The following RNF220 variants were observed in gnomAD, a reference collection of about 807,000 sequenced individuals.
RNF220 encodes ring finger protein 220, also known as E3 ubiquitin-protein ligase RNF220.
RNF220 carries 7 observed loss-of-function variants against 67.1 expected under a neutral mutation model. That is an observed-to-expected ratio of 0.10 (90% CI 0.06 to 0.20). The LOEUF (loss-of-function observed/expected upper bound fraction) is 0.20. Ranked by LOEUF, RNF220 falls within the 10% of genes least tolerant of loss-of-function variation. The pLI is 1.00. For synonymous variants in RNF220, 270 were observed against 283.2 expected, an observed-to-expected ratio of 0.95 and a Z score of 0.47; for missense variants, 565 against 740.3, an observed-to-expected ratio of 0.76 and a Z score of 2.75.
chr1:44,409,240 G>T (rs1647725073), intron 1 of RNF220, among the ~76,000 whole-genome samples: 1 of 149,978 alleles, frequency 6.7e-6, no homozygotes, highest in East Asian at 1.9e-4. Flanking sequence ...AACCCATCAC[G>T]TCAAGGATTT....
At chr1:44,406,049 TC>T in intron 1 of RNF220, among the ~76,000 whole-genome samples, 1 of 152,216 alleles carries the variant, frequency 6.6e-6, no homozygotes, top group Admixed American at 6.5e-5. Flanking sequence ...TGGGTGGTAC[TC>T]AGTGGGGAGC....
intron 2 of RNF220, among the ~76,000 whole-genome samples, chr1:44,537,831 G>T (rs933395597): frequency 6.6e-6 from 1 of 152,170 alleles, no homozygotes; most frequent in African/African-American, 2.4e-5. Flanking sequence ...GCCCGCCTTT[G>T]TTCTGTGCAC....
chr1:44,632,052 C>T (rs1481588529), intron 5 of RNF220: 5 of 1,103,212 alleles, frequency 4.5e-6, no homozygotes, highest in Non-Finnish European at 5.6e-6. Context: ...GCATCGCCGC[C>T]CTCGCCGGCC....
At chr1:44,614,340 TCAGGGTTCTGGCCA>T in intron 3 of RNF220, 43 bp downstream of exon 3, 1 of 1,603,718 alleles carries the variant, frequency 6.2e-7, no homozygotes, top group Non-Finnish European at 8.5e-7. Context: ...AGGAGTCCAC[TCAGGGTTCTGGCCA>T]CCGGATCCCA....
In RNF220 at chr1:44,411,977, A is replaced by T; in HGVS notation, c.-117-4A>T. ...TTCTTTTTTTCTCTTTGCTGTTTCTACAGGTCTTAGGAGGGAATGATTCCC... is the reference window on the plus strand; with the variant it reads ...TTCTTTTTTTCTCTTTGCTGTTTCTTCAGGTCTTAGGAGGGAATGATTCCC... On this transcript the variant is annotated splice_polypyrimidine_tract_variant and splice_region_variant and intron_variant, in intron 1 of 14. Coordinates refer to ENST00000361799, the MANE Select transcript of RNF220 (RefSeq NM_018150.4). The T allele has an allele frequency of 9.1e-7, 1 of 1,097,360 alleles. No individual in the cohort carries two copies. Among genetic ancestry groups the T allele is most frequent in the South Asian group, 1.9e-5 (1 of 52,780 alleles). The allele number at this position is 1,097,360 out of a possible 1,614,324, so 68.0% of individuals were successfully genotyped here. A position where few individuals can be genotyped will look rare whatever the true frequency, so the allele number is the denominator to read the frequency against.
chr1:44,628,581 A>G (rs1038197035), intron 5 of RNF220, among the ~76,000 whole-genome samples: 1 of 152,206 alleles, frequency 6.6e-6, no homozygotes, highest in African/African-American at 2.4e-5. Context: ...GATAAAGCTG[A>G]AGCTCCTTAT....
At chr1:44,457,540 C>T (rs1490774532) in intron 2 of RNF220, among the ~76,000 whole-genome samples, 1 of 147,314 alleles carries the variant, frequency 6.8e-6, no homozygotes, top group African/African-American at 2.5e-5. Flanking sequence ...TAAAGGTAGG[C>T]GGGATACTAC....
intron 2 of RNF220, among the ~76,000 whole-genome samples, chr1:44,424,455 T>C (rs1315722883): frequency 6.6e-6 from 1 of 152,062 alleles, no homozygotes; most frequent in Non-Finnish European, 1.5e-5. Context: ...ATTCTTGTTT[T>C]CCTTAAGGTT....
chr1:44,616,762 A>G (rs1643567306), intron 3 of RNF220, among the ~76,000 whole-genome samples: 1 of 152,168 alleles, frequency 6.6e-6, no homozygotes, highest in Non-Finnish European at 1.5e-5. Flanking sequence ...GGTAGAGGCT[A>G]GAGGAGCATG....
At chr1:44,435,473 A>C (rs1430047653) in intron 2 of RNF220, among the ~76,000 whole-genome samples, 1 of 152,222 alleles carries the variant, frequency 6.6e-6, no homozygotes, top group Non-Finnish European at 1.5e-5. Context: ...GGATACCTTG[A>C]GACTGTGGTC....
intron 2 of RNF220, among the ~76,000 whole-genome samples, chr1:44,463,868 G>A (rs529129955): frequency 2.0e-4 from 30 of 152,302 alleles, no homozygotes; most frequent in African/African-American, 6.7e-4. Flanking sequence ...CTGAGCCCAG[G>A]CTCCAGGGAC....
At chr1:44,587,412 G>A (rs1004541606) in intron 2 of RNF220, among the ~76,000 whole-genome samples, 7 of 152,104 alleles carry the variant, frequency 4.6e-5, no homozygotes, top group Admixed American at 4.6e-4. Context: ...CTCCCAAATT[G>A]CTGGGATTAC....
chr1:44,427,828 T>TA (rs1649951291), intron 2 of RNF220, among the ~76,000 whole-genome samples: 1 of 152,302 alleles, frequency 6.6e-6, no homozygotes, highest in South Asian at 2.1e-4. Flanking sequence ...TCGCACAAAG[T>TA]ATGCCTTCAA....
intron 2 of RNF220, among the ~76,000 whole-genome samples, chr1:44,605,376 G>A (rs1023077113): frequency 1.3e-5 from 2 of 152,072 alleles, no homozygotes; most frequent in Non-Finnish European, 2.9e-5. Flanking sequence ...GTGGGACAAG[G>A]AATCAGAGAA....
chr1:44,578,802 A>G (rs909492062), intron 2 of RNF220, among the ~76,000 whole-genome samples: 2 of 152,202 alleles, frequency 1.3e-5, no homozygotes, highest in African/African-American at 2.4e-5. Context: ...GGATAATAAC[A>G]GTAGCTAATA....
intron 2 of RNF220, among the ~76,000 whole-genome samples, chr1:44,467,812 G>A (rs78399044): frequency 0.074 from 11,310 of 152,222 alleles, 475 homozygotes; most frequent in East Asian, 0.17. Flanking sequence ...TTGACATGCC[G>A]TCTTTACTGA....
intron 2 of RNF220, among the ~76,000 whole-genome samples, chr1:44,558,116 C>T (rs1663263880): frequency 6.6e-6 from 1 of 152,262 alleles, no homozygotes; most frequent in Admixed American, 6.5e-5. Flanking sequence ...TTTGCCAGAA[C>T]CGTGGCTGAC....
At chr1:44,528,322 AC>A (rs1482397805) in intron 2 of RNF220, among the ~76,000 whole-genome samples, 2 of 149,882 alleles carry the variant, frequency 1.3e-5, no homozygotes, top group Non-Finnish European at 3.0e-5. Flanking sequence ...TTTTTTTGAG[AC>A]GGAGTCTCAC....
intron 2 of RNF220, among the ~76,000 whole-genome samples, chr1:44,488,297 G>A (rs574292712): frequency 2.1e-4 from 32 of 151,388 alleles, no homozygotes; most frequent in African/African-American, 7.0e-4. Context: ...CACCACACCC[G>A]ACTAATTTTT....
Sources: allele counts gnomAD v4.1 joint callset (sites outside exome capture counted in the v4.1 genomes callset), GRCh38; gene constraint gnomAD v4.1.1; transcripts MANE v1.5; gene names NCBI Gene and HGNC (gene_info 2026-07-23, HGNC 2026-07-21).